MFSD8: variants seen among roughly 807,000 people sequenced by gnomAD.
MFSD8 encodes the protein major facilitator superfamily domain-containing protein 8.
A neutral mutation model predicts 66.4 loss-of-function variants in MFSD8; 55 were observed. The ratio of observed to expected loss-of-function variants is 0.83; its 90% confidence interval spans 0.67 to 1.04. The LOEUF (loss-of-function observed/expected upper bound fraction) is 1.04. Among genes scored for constraint, MFSD8 ranks in the 50% least tolerant of loss-of-function variants. The pLI is 0.00. For synonymous variants in MFSD8, 202 were observed against 212.8 expected (o/e 0.95, Z 0.44); for missense variants, 550 against 627.6 (o/e 0.88, Z 1.32).
chr4:127,958,641 A>T (rs1044170179), intron 1 of MFSD8, among the ~76,000 whole-genome samples: 2 of 152,166 alleles, frequency 1.3e-5, no homozygotes, highest in Non-Finnish European at 1.5e-5. Flanking sequence ...AGAAAAAAAT[A>T]AAAATAATGT....
At position 127,919,392 on chromosome 4, in the gene MFSD8, C is replaced by T. The variant is rs1309657411; in HGVS notation, c.*1238G>A. ...TTCTCAGATTTGAAACTATTTCTAACTTAAAGTAGAAAACATTTGGAAAAG... is the reference window on the plus strand; with the variant it reads ...TTCTCAGATTTGAAACTATTTCTAATTTAAAGTAGAAAACATTTGGAAAAG... On this transcript the variant is annotated 3_prime_UTR_variant, in exon 12 of 12. Transcript: ENST00000641686. 6.6e-6 allele frequency: 1 copy of T among 152,140 alleles called. No homozygotes were observed. 9.4% of individuals were successfully genotyped at this position (152,140 alleles called of 1,614,324 possible).
At chr4:127,953,287 A>G in intron 2 of MFSD8, among the ~76,000 whole-genome samples, 1 of 151,646 alleles carries the variant, frequency 6.6e-6, no homozygotes, top group East Asian at 2.0e-4. Context: ...TCGGGAGTTC[A>G]AGACCAGCCT....
Position 127,929,421 on chromosome 4 carries a change from T to TA in MFSD8, c.998+1261dup, listed in dbSNP as rs35191908. Among the ~76,000 whole-genome samples, 392 of 123,630 alleles carry TA rather than the reference T, an allele frequency of 3.2e-3. 3 individuals carry two copies. The highest frequency in any genetic ancestry group is 8.4e-3 in the Middle Eastern group (2 of 238). The allele number at this position is 123,630 out of a possible 152,430, so 81.1% of individuals were successfully genotyped here. A position where few individuals can be genotyped will look rare whatever the true frequency, so the allele number is the denominator to read the frequency against. The stretch of plus-strand genomic sequence containing the variant: ...GCAAGATCTTGTCTCTACAAAAAGT[T>TA]AAAAAAAAAAAAAAAAATTAGCCAG... On this transcript the variant is annotated intron_variant, in intron 9 of 11. Transcript: ENST00000641686.
chr4:127,963,795 T>G (rs1024330996), intron 1 of MFSD8, among the ~76,000 whole-genome samples: 1 of 152,224 alleles, frequency 6.6e-6, no homozygotes, highest in African/African-American at 2.4e-5. Flanking sequence ...TTGCCACTAC[T>G]GGTGGGCAGC....
At chr4:127,958,252 T>G (rs1271873946) in intron 1 of MFSD8, among the ~76,000 whole-genome samples, 1 of 152,182 alleles carries the variant, frequency 6.6e-6, no homozygotes, top group African/African-American at 2.4e-5. Flanking sequence ...AGTAGATATC[T>G]TACCTCCATT....
intron 6 of MFSD8, 160 bp from the exon 7 acceptor site, chr4:127,938,998 T>C: frequency 2.1e-6 from 1 of 483,146 alleles, no homozygotes; most frequent in East Asian, 3.2e-5. Flanking sequence ...ACCAATAAAC[T>C]TAAGACAGAA....
At chr4:127,963,558 G>A (rs1424995706) in intron 1 of MFSD8, among the ~76,000 whole-genome samples, 1 of 152,162 alleles carries the variant, frequency 6.6e-6, no homozygotes, top group Non-Finnish European at 1.5e-5. Context: ...GCTCAAGAGC[G>A]AAGCTGCAGA....
chr4:127,941,620 C>A (rs1000582604), intron 5 of MFSD8, among the ~76,000 whole-genome samples: 1 of 152,078 alleles, frequency 6.6e-6, no homozygotes, highest in Non-Finnish European at 1.5e-5. Flanking sequence ...CGCCACCACA[C>A]CTGGCTAATT....
intron 8 of MFSD8, 85 bp from the exon 9 acceptor site, chr4:127,930,902 T>A: frequency 7.6e-7 from 1 of 1,313,352 alleles, no homozygotes. Context: ...AATAACGACA[T>A]CTACACATTC....
At chr4:127,948,117 G>A (rs1246098669) in intron 3 of MFSD8, among the ~76,000 whole-genome samples, 1 of 152,026 alleles carries the variant, frequency 6.6e-6, no homozygotes, top group South Asian at 2.1e-4. Context: ...TGAAAGGTAG[G>A]ACCTTTAAGA....
At chr4:127,932,909 A>G (rs1214714856) in intron 8 of MFSD8, 76 bp downstream of exon 8, 2 of 1,318,166 alleles carry the variant, frequency 1.5e-6, no homozygotes, top group Admixed American at 1.8e-5. Flanking sequence ...TAACATCTAT[A>G]TGCCTAATTA....
intron 3 of MFSD8, chr4:127,945,511 G>A (rs771007425): frequency 2.2e-4 from 33 of 151,888 alleles, no homozygotes; most frequent in Admixed American, 5.2e-4. Context: ...TTTTAGTAGC[G>A]ACGCGGTTTC....
intron 2 of MFSD8, among the ~76,000 whole-genome samples, chr4:127,951,335 T>C (rs1741921270): frequency 6.6e-6 from 1 of 152,110 alleles, no homozygotes; most frequent in Non-Finnish European, 1.5e-5. Context: ...ATTCAAGCGA[T>C]TCTCCTGCCT....
intron 3 of MFSD8, among the ~76,000 whole-genome samples, chr4:127,946,624 G>A (rs1302534363): frequency 2.6e-5 from 4 of 151,842 alleles, no homozygotes; most frequent in African/African-American, 9.7e-5. Flanking sequence ...GTAGAAATTC[G>A]TAAAAACTGG....
chr4:127,950,809 G>A (rs1331112057), intron 2 of MFSD8, among the ~76,000 whole-genome samples: 3 of 151,948 alleles, frequency 2.0e-5, no homozygotes, highest in African/African-American at 7.3e-5. Flanking sequence ...TGTAATCCCA[G>A]AACTCTGGAA....
intron 3 of MFSD8, among the ~76,000 whole-genome samples, chr4:127,947,595 C>T (rs890833581): frequency 7.6e-6 from 1 of 130,892 alleles, no homozygotes; most frequent in African/African-American, 2.9e-5. Context: ...AAAAAAAAAA[C>T]AGAGAGAGAG....
chr4:127,954,546 CG>C (rs1440506058), intron 2 of MFSD8, among the ~76,000 whole-genome samples: 1 of 152,062 alleles, frequency 6.6e-6, no homozygotes, highest in Non-Finnish European at 1.5e-5. Flanking sequence ...AACCCGAAAG[CG>C]GGAGGTTGCA....
At chr4:127,961,407 GA>G (rs1163749939) in intron 1 of MFSD8, among the ~76,000 whole-genome samples, 1 of 151,776 alleles carries the variant, frequency 6.6e-6, no homozygotes, top group Non-Finnish European at 1.5e-5. Flanking sequence ...CTAAGAGTAT[GA>G]AAAAAAATTC....
upstream of MFSD8, chr4:127,965,484 T>C (rs1221282630): frequency 4.9e-6 from 2 of 412,154 alleles, no homozygotes. Flanking sequence ...TTTCGGTTCC[T>C]GGAAAGGTTA....
Sources: allele counts gnomAD v4.1 joint callset (sites outside exome capture counted in the v4.1 genomes callset), GRCh38; gene constraint gnomAD v4.1.1; transcripts MANE v1.5; gene names NCBI Gene and HGNC (gene_info 2026-07-23, HGNC 2026-07-21).